The following ADAM2 variants were observed in gnomAD, a reference collection of about 807,000 sequenced individuals.
ADAM2 encodes ADAM metallopeptidase domain 2.
In ADAM2, 101 loss-of-function variants were observed where a neutral mutation model predicts 99.3. The observed-to-expected ratio is 1.02, with a 90% confidence interval of 0.87 to 1.20. The LOEUF (loss-of-function observed/expected upper bound fraction) is 1.20, where lower values mean the gene tolerates loss of function less well. Among genes scored for constraint, ADAM2 ranks in the 50% most tolerant of loss-of-function variants. The probability of loss-of-function intolerance (pLI) is 0.00; values close to 1 mark genes in which losing one functional copy is unlikely to be tolerated. For synonymous variants in ADAM2, 323 were observed against 287.6 expected (o/e 1.12, Z -1.25); for missense variants, 948 against 878.7 (o/e 1.08, Z -1.00).
intron 7 of ADAM2, among the ~76,000 whole-genome samples, chr8:39,806,595 G>T (rs754246593): frequency 2.6e-5 from 4 of 151,254 alleles, no homozygotes; most frequent in South Asian, 4.2e-4. Context: ...GGTAAAACTT[G>T]TGAGTGACAA....
At chr8:39,828,204 G>A (rs1805486837) in intron 3 of ADAM2, among the ~76,000 whole-genome samples, 1 of 151,750 alleles carries the variant, frequency 6.6e-6, no homozygotes, top group Admixed American at 6.6e-5. Flanking sequence ...AAATTAAAAT[G>A]AATACTGACT....
intron 16 of ADAM2, among the ~76,000 whole-genome samples, chr8:39,754,024 C>G (rs747846740): frequency 1.3e-5 from 2 of 152,174 alleles, no homozygotes; most frequent in Non-Finnish European, 2.9e-5. Flanking sequence ...CAGGTCCTTT[C>G]TGAGCATGCA....
chr8:39,764,760 T>TCCCAGC (rs1802500089), intron 14 of ADAM2, among the ~76,000 whole-genome samples: 1 of 152,084 alleles, frequency 6.6e-6, no homozygotes, highest in Admixed American at 6.6e-5. Flanking sequence ...AAGCGAGTAA[T>TCCCAGC]CCCAGCACTT....
At chr8:39,814,093 C>T (rs144107724) in intron 6 of ADAM2, among the ~76,000 whole-genome samples, 6,258 of 152,020 alleles carry the variant, frequency 0.041, 418 homozygotes, top group African/African-American at 0.14. Context: ...CGTGGTGGCT[C>T]ACACCTGTAA....
rs767684419 is a variant in ADAM2, at chr8:39,777,179, A to T, written c.892-18T>A. 7.5e-6 allele frequency: 12 copies of T among 1,589,742 alleles called. 1 individual carries two copies. The South Asian group carries it at 1.2e-4, about 15-fold the overall frequency. On this transcript the variant is annotated intron_variant, in intron 10 of 20. Coordinates refer to ENST00000265708, the MANE Select transcript of ADAM2 (RefSeq NM_001464.5). ...CTGGGGTGCTGAGAAAAAAAAATAGATGTACACGTTTTGGGAGATTATTTT... is the reference window on the plus strand; with the variant it reads ...CTGGGGTGCTGAGAAAAAAAAATAGTTGTACACGTTTTGGGAGATTATTTT...
At chr8:39,764,776 G>A (rs1490188308) in intron 14 of ADAM2, among the ~76,000 whole-genome samples, 1 of 152,102 alleles carries the variant, frequency 6.6e-6, no homozygotes, top group Non-Finnish European at 1.5e-5. Context: ...CACTTCGGGA[G>A]GCCCAGGCAG....
intron 16 of ADAM2, among the ~76,000 whole-genome samples, chr8:39,755,283 G>A (rs1324326201): frequency 6.6e-6 from 1 of 152,156 alleles, no homozygotes; most frequent in Admixed American, 6.5e-5. Flanking sequence ...ATGCATGATT[G>A]CAAATATTTT....
At chr8:39,788,988 T>C (rs1014542876) in intron 7 of ADAM2, among the ~76,000 whole-genome samples, 24 of 151,580 alleles carry the variant, frequency 1.6e-4, no homozygotes, top group African/African-American at 5.1e-4. Flanking sequence ...TAAAAAGGTA[T>C]AATTCTACTA....
At chr8:39,809,520 T>TAAGAATTACTTAAGTGACTTA (rs1263073652) in intron 6 of ADAM2, 54 bp from the exon 7 acceptor site, 2 of 822,644 alleles carry the variant, frequency 2.4e-6, no homozygotes. Context: ...TAAGTATTTT[T>TAAGAATTACTTAAGTGACTTA]AGTGCATGTC....
chr8:39,823,462 A>T (rs1447140474), intron 4 of ADAM2, among the ~76,000 whole-genome samples: 5 of 151,874 alleles, frequency 3.3e-5, no homozygotes, highest in African/African-American at 2.4e-5. Flanking sequence ...TACATTTGAG[A>T]TCAACTTGCA....
intron 18 of ADAM2, among the ~76,000 whole-genome samples, chr8:39,747,685 T>A (rs201972): frequency 1.3e-5 from 2 of 151,894 alleles, no homozygotes; most frequent in East Asian, 1.9e-4. Context: ...AATAAAATCC[T>A]TGCTTGGACC....
In ADAM2 at chr8:39,769,401, C is replaced by A; in HGVS notation, c.1203G>T (p.Gly401=). 3.1e-6 allele frequency: 5 copies of A among 1,613,458 alleles called. No homozygotes were observed. Among genetic ancestry groups the A allele is most frequent in the Non-Finnish European group, 4.2e-6 (5 of 1,179,560 alleles). Residue 401 remains glycine, a synonymous_variant, in exon 12 of 21, where the codon GGG becomes GGT. Coordinates refer to ENST00000265708, the MANE Select transcript of ADAM2 (RefSeq NM_001464.5). ...CCGAATTAGTACCAACCTGTTCAGT[C>A]CCACAGTCACACTCCTCTCCTGCTT... ...KLEAGEECDC[G]TEQDCALIGE...
chr8:39,827,135 C>T (rs979247839), intron 3 of ADAM2, among the ~76,000 whole-genome samples: 2 of 152,110 alleles, frequency 1.3e-5, no homozygotes, highest in African/African-American at 4.8e-5. Flanking sequence ...TGAAAAACTT[C>T]TCATTCTCAC....
intron 11 of ADAM2, among the ~76,000 whole-genome samples, chr8:39,771,726 C>T (rs1295491237): frequency 1.3e-5 from 2 of 152,062 alleles, no homozygotes; most frequent in African/African-American, 4.8e-5. Context: ...TGAACATCCC[C>T]TTCAGTTCCA....
chr8:39,829,506 T>A (rs189728390), intron 3 of ADAM2, among the ~76,000 whole-genome samples: 48 of 152,074 alleles, frequency 3.2e-4, no homozygotes, highest in African/African-American at 1.1e-3. Flanking sequence ...CAGTAGGACA[T>A]AAGTATATAA....
intron 11 of ADAM2, among the ~76,000 whole-genome samples, chr8:39,772,239 T>A (rs531063907): frequency 2.0e-5 from 3 of 152,182 alleles, no homozygotes; most frequent in East Asian, 1.9e-4. Context: ...CACTTTTTTT[T>A]TATAATGGAG....
In ADAM2 at chr8:39,802,171, A is replaced by C. The variant is rs564093578; in HGVS notation, c.570+7239T>G. Among the ~76,000 whole-genome samples, 4 of 152,240 alleles carry C rather than the reference A, an allele frequency of 2.6e-5. No individual in the cohort carries two copies. The South Asian group carries it at 8.3e-4, about 32-fold the overall frequency. On this transcript the variant is annotated intron_variant, in intron 7 of 20. Transcript: ENST00000265708. The stretch of plus-strand genomic sequence containing the variant: ...GGTTTCACAGTTCCGTGGGAAAAGC[A>C]GTTTCCCCAGCTGGGTTGTGTGCTC...
chr8:39,811,723 A>G (rs1169734080), intron 6 of ADAM2, among the ~76,000 whole-genome samples: 1 of 152,236 alleles, frequency 6.6e-6, no homozygotes, highest in African/African-American at 2.4e-5. Flanking sequence ...GACAAAATTC[A>G]ACAGCGCTTC....
rs959090170 is a variant in ADAM2 at position 39,749,390 on chromosome 8, C to G, written c.1936G>C (p.Val646Leu). 6.2e-7 allele frequency: 1 copy of G among 1,613,374 alleles called. No individual in the cohort carries two copies. The highest frequency in any genetic ancestry group is 8.5e-7 in the Non-Finnish European group (1 of 1,179,634). The change falls in exon 18 of 21, where the codon GTT (valine) becomes CTT (leucine). Residue 646 changes from valine to leucine, a missense_variant. Val to Leu is a conservative substitution (Grantham distance 32). Transcript: ENST00000265708. Reference sequence around the variant, plus strand: ...CCACCAGGCCATAGATCTGATTGAACTGAGCAATCTGGAGGTAAATATGAA... The same window carrying G: ...CCACCAGGCCATAGATCTGATTGAAGTGAGCAATCTGGAGGTAAATATGAA... ...SASYLPPDCS[V>L]QSDLWPGGSI...
Sources: allele counts gnomAD v4.1 joint callset (sites outside exome capture counted in the v4.1 genomes callset), GRCh38; gene constraint gnomAD v4.1.1; transcripts MANE v1.5; gene names NCBI Gene and HGNC (gene_info 2026-07-23, HGNC 2026-07-21).